Variants in RALGAPA1 observed in about 807,000 individuals in gnomAD.
The protein encoded by RALGAPA1 is Ral GTPase activating protein catalytic subunit alpha 1.
In RALGAPA1, 52 loss-of-function variants were observed where a neutral mutation model predicts 269.6. The observed-to-expected ratio is 0.19, with a 90% CI of 0.15 to 0.24. RALGAPA1 has a LOEUF of 0.24. RALGAPA1 is among the 10% of genes least tolerant of loss of function. RALGAPA1 has a pLI of 1.00. For missense variants in RALGAPA1, 1,917 were observed against 3,013.9 expected (o/e 0.64, Z 8.52); for synonymous variants, 817 against 1,008.3 (o/e 0.81, Z 3.60).
At chr14:35,604,219 C>T (rs2059448986) in intron 36 of RALGAPA1, among the ~76,000 whole-genome samples, 1 of 151,910 alleles carries the variant, frequency 6.6e-6, no homozygotes, top group African/African-American at 2.4e-5. Context: ...AATTGACATA[C>T]CTAGTTCATT....
At chr14:35,736,325 C>T (rs1264302634) in intron 12 of RALGAPA1, among the ~76,000 whole-genome samples, 1 of 152,084 alleles carries the variant, frequency 6.6e-6, no homozygotes, top group Admixed American at 6.6e-5. Flanking sequence ...GTGAAAATGA[C>T]AATTTGATAT....
intron 6 of RALGAPA1, among the ~76,000 whole-genome samples, chr14:35,759,592 TAA>T (rs57642499): frequency 7.6e-5 from 10 of 130,736 alleles, no homozygotes; most frequent in African/African-American, 1.1e-4. Context: ...ATTAAAGAAG[TAA>T]AAAAAAAAAA....
At chr14:35,549,918 A>G (rs1266471834) in intron 39 of RALGAPA1, among the ~76,000 whole-genome samples, 2 of 152,198 alleles carry the variant, frequency 1.3e-5, no homozygotes, top group Admixed American at 6.5e-5. Flanking sequence ...AAGAGTCCAC[A>G]GGACTCCTAA....
At chr14:35,605,749 T>C in intron 35 of RALGAPA1, 40 bp from the exon 36 acceptor site, 1 of 1,588,112 alleles carries the variant, frequency 6.3e-7, no homozygotes, top group Non-Finnish European at 8.5e-7. Context: ...TAATCACTAT[T>C]TTATCTACTC....
intron 39 of RALGAPA1, among the ~76,000 whole-genome samples, chr14:35,553,011 A>T (rs1325731197): frequency 6.6e-6 from 1 of 152,226 alleles, no homozygotes; most frequent in Non-Finnish European, 1.5e-5. Context: ...AAAGATAAGC[A>T]TAAATTTTCT....
chr14:35,596,634 T>G (rs943504526), intron 36 of RALGAPA1, among the ~76,000 whole-genome samples: 2 of 152,132 alleles, frequency 1.3e-5, no homozygotes, highest in African/African-American at 4.8e-5. Flanking sequence ...AATACATATA[T>G]GATTGTTAGA....
intron 25 of RALGAPA1, 96 bp from the exon 26 acceptor site, chr14:35,671,613 T>C (rs535196255): frequency 1.5e-5 from 9 of 594,126 alleles, no homozygotes; most frequent in Non-Finnish European, 1.2e-5. Context: ...TATGAAATAA[T>C]AAAAAAGGTA....
chr14:35,770,844 A>G (rs1443303129), intron 4 of RALGAPA1, 98 bp downstream of exon 4: 8 of 424,842 alleles, frequency 1.9e-5, no homozygotes, highest in Non-Finnish European at 3.5e-5. Flanking sequence ...TTATTAAAGC[A>G]TCACCTATTA....
At chr14:35,803,261 C>T (rs1400350447) in intron 1 of RALGAPA1, among the ~76,000 whole-genome samples, 2 of 152,076 alleles carry the variant, frequency 1.3e-5, no homozygotes, top group East Asian at 3.9e-4. Context: ...TAGCCTTTTT[C>T]AACAAACAGA....
At chr14:35,613,902 T>C (rs186726197) in intron 35 of RALGAPA1, among the ~76,000 whole-genome samples, 30 of 152,232 alleles carry the variant, frequency 2.0e-4, no homozygotes, top group Non-Finnish European at 1.5e-5. Context: ...TAGTCAATTA[T>C]CATAGCAATG....
chr14:35,627,932 A>G lies in RALGAPA1; in HGVS notation c.6015T>C (p.His2005=), dbSNP rs530400523. 3.4e-5 allele frequency: 53 copies of G among 1,542,128 alleles called. No individual in the cohort carries two copies. In the Admixed American group the frequency reaches 6.1e-4, roughly 18 times the overall value. The change falls in exon 34 of 42, where the codon CAT becomes CAC. Residue 2005 remains histidine, a synonymous_variant. Transcript: ENST00000680220. ...TGCGGGCTGCTATAGAGATTAATCC[A>G]TGCTGCATTTGAGTTTTCACTGGAA... ...PVTEVKTQMQ[H]GLISIAARTV...
chr14:35,681,093 T>C (rs1009747747), intron 21 of RALGAPA1, among the ~76,000 whole-genome samples: 3 of 152,198 alleles, frequency 2.0e-5, no homozygotes, highest in Non-Finnish European at 4.4e-5. Context: ...AAAACTTCTA[T>C]GTTATAGGAA....
At chr14:35,540,924 G>A (rs1418086257) in intron 41 of RALGAPA1, among the ~76,000 whole-genome samples, 1 of 151,780 alleles carries the variant, frequency 6.6e-6, no homozygotes, top group Non-Finnish European at 1.5e-5. Flanking sequence ...GAAATGTTTT[G>A]TGCTTAAACT....
chr14:35,766,105 C>G (rs2074118524), intron 4 of RALGAPA1: 3 of 1,079,128 alleles, frequency 2.8e-6, no homozygotes. Flanking sequence ...GCTTTAGGAT[C>G]AGATACTGGA....
At position 35,713,349 on chromosome 14, in the gene RALGAPA1, C is replaced by A. The variant is rs1209811317; in HGVS notation, c.2266+8339G>T. On this transcript the variant is annotated intron_variant, in intron 16 of 41. Transcript: ENST00000680220. ...GGAGAGAGAGAAGAGTTGAAGCTAA[C>A]TCCCAGACTTCTAGCTTGAGCAACT... Among the ~76,000 whole-genome samples the A allele has an allele frequency of 2.0e-5, 3 of 152,198 alleles. No individual in the cohort carries two copies. The East Asian group carries it at 5.8e-4, about 29-fold the overall frequency.
chr14:35,794,357 C>T (rs2076405917), intron 1 of RALGAPA1, among the ~76,000 whole-genome samples: 1 of 152,106 alleles, frequency 6.6e-6, no homozygotes, highest in South Asian at 2.1e-4. Flanking sequence ...CACACACACG[C>T]ATATACAGTT....
At chr14:35,750,406 A>G in intron 9 of RALGAPA1, 76 bp downstream of exon 9, 1 of 1,043,610 alleles carries the variant, frequency 9.6e-7, no homozygotes, top group Non-Finnish European at 1.5e-6. Flanking sequence ...CGCTCCACCT[A>G]AGGCAACTGA....
chr14:35,574,891 C>T (rs192850268), intron 37 of RALGAPA1, among the ~76,000 whole-genome samples: 16 of 152,204 alleles, frequency 1.1e-4, no homozygotes, highest in African/African-American at 3.4e-4. Flanking sequence ...CTCTGGGAGG[C>T]TAAGGCGGGC....
intron 1 of RALGAPA1, among the ~76,000 whole-genome samples, chr14:35,791,939 T>A (rs2076207027): frequency 6.9e-6 from 1 of 144,502 alleles, no homozygotes; most frequent in African/African-American, 2.6e-5. Flanking sequence ...AAAGCATGCA[T>A]TTGCAACACT....
Sources: allele counts gnomAD v4.1 joint callset (sites outside exome capture counted in the v4.1 genomes callset), GRCh38; gene constraint gnomAD v4.1.1; transcripts MANE v1.5; gene names NCBI Gene and HGNC (gene_info 2026-07-23, HGNC 2026-07-21).